Variants in CRPPA observed in about 807,000 individuals in gnomAD.
The protein encoded by CRPPA is CDP-L-ribitol pyrophosphorylase A.
Under a neutral mutation model 52.0 loss-of-function variants are expected in CRPPA, and 43 were observed. The observed-to-expected ratio is 0.83, with a 90% CI of 0.65 to 1.07. The LOEUF (loss-of-function observed/expected upper bound fraction) is 1.07, where lower values mean the gene tolerates loss of function less well. Ranked by LOEUF, CRPPA falls within the 50% of genes least tolerant of loss-of-function variation. The probability of loss-of-function intolerance (pLI) is 0.00; values close to 1 mark genes in which losing one functional copy is unlikely to be tolerated. For synonymous variants in CRPPA, 250 were observed against 203.5 expected, an observed-to-expected ratio of 1.23 and a Z score of -1.94; for missense variants, 629 against 551.7, an observed-to-expected ratio of 1.14 and a Z score of -1.40.
At chr7:16,224,251 G>T (rs972609829) in intron 8 of CRPPA, among the ~76,000 whole-genome samples, 10 of 152,094 alleles carry the variant, frequency 6.6e-5, no homozygotes, top group African/African-American at 2.4e-4. Context: ...CCTGGTCCCA[G>T]ATGAATTCCA....
intron 4 of CRPPA, among the ~76,000 whole-genome samples, chr7:16,304,996 C>A (rs1381905757): frequency 2.6e-5 from 4 of 152,120 alleles, no homozygotes; most frequent in Non-Finnish European, 5.9e-5. Flanking sequence ...TTTTCAGATA[C>A]ATTTTTTTTT....
At chr7:16,153,280 C>T (rs911774621) in intron 9 of CRPPA, among the ~76,000 whole-genome samples, 2 of 151,930 alleles carry the variant, frequency 1.3e-5, no homozygotes, top group East Asian at 3.9e-4. Context: ...CAACATAAAT[C>T]AAGGGTCAAC....
chr7:16,195,538 C>G (rs1781711587), intron 9 of CRPPA, among the ~76,000 whole-genome samples: 1 of 152,040 alleles, frequency 6.6e-6, no homozygotes, highest in Non-Finnish European at 1.5e-5. Context: ...TTTAGAAGTC[C>G]TGGGAATCCT....
intron 9 of CRPPA, among the ~76,000 whole-genome samples, chr7:16,208,227 T>A (rs1328364185): frequency 6.6e-6 from 1 of 152,110 alleles, no homozygotes; most frequent in Non-Finnish European, 1.5e-5. Flanking sequence ...ATGACATGAG[T>A]TGGGATGGTG....
rs1304462242 is a variant in CRPPA at position 16,089,247 on chromosome 7, T to C, written c.*2448A>G. The C allele has an allele frequency of 2.7e-6, 1 of 366,142 alleles. No individual in the cohort carries two copies. The highest frequency in any genetic ancestry group is 2.1e-5 in the African/African-American group (1 of 47,438). The allele number at this position is 366,142 out of a possible 1,614,324, so 22.7% of individuals were successfully genotyped here. On this transcript the variant is annotated 3_prime_UTR_variant, in exon 10 of 10. Transcript: ENST00000407010. ...GTGTGTATGCGTACGTATATACATA[T>C]ATGTGTGTATGCGTACGTATATACA...
chr7:16,180,669 T>C (rs1302092078), intron 9 of CRPPA, among the ~76,000 whole-genome samples: 2 of 152,074 alleles, frequency 1.3e-5, no homozygotes, highest in East Asian at 3.9e-4. Context: ...CACTGTGAAA[T>C]GCCAATTCTC....
intron 3 of CRPPA, among the ~76,000 whole-genome samples, chr7:16,356,729 G>A (rs1786305348): frequency 6.6e-6 from 1 of 152,028 alleles, no homozygotes; most frequent in Admixed American, 6.6e-5. Context: ...ACCTTTTCCT[G>A]TAGATTCATC....
At chr7:16,203,389 A>C (rs1295262972) in intron 9 of CRPPA, among the ~76,000 whole-genome samples, 2 of 152,090 alleles carry the variant, frequency 1.3e-5, no homozygotes, top group Admixed American at 6.6e-5. Context: ...GAACACTCAC[A>C]TGGGCCACAG....
chr7:16,169,375 T>A (rs1231130560), intron 9 of CRPPA, among the ~76,000 whole-genome samples: 1 of 152,212 alleles, frequency 6.6e-6, no homozygotes, highest in Non-Finnish European at 1.5e-5. Flanking sequence ...TACATTTGTT[T>A]ACCTTTACAT....
intron 5 of CRPPA, among the ~76,000 whole-genome samples, chr7:16,300,037 A>T (rs886577187): frequency 6.6e-6 from 1 of 152,180 alleles, no homozygotes; most frequent in Admixed American, 6.5e-5. Flanking sequence ...CATTCAGCCG[A>T]CTTTTCCAGA....
Position 16,278,344 on chromosome 7 carries a change from G to T in CRPPA, c.836-118C>A, listed in dbSNP as rs1020147628. The T allele has an allele frequency of 1.2e-4, 73 of 615,496 alleles. No homozygotes were observed. In the East Asian group the frequency reaches 2.0e-3, roughly 17 times the overall value. The allele number at this position is 615,496 out of a possible 1,614,324, so 38.1% of individuals were successfully genotyped here. A position where few individuals can be genotyped will look rare whatever the true frequency, so the allele number is the denominator to read the frequency against. ...TGTTGACCAAGAATAGGGAGGTTTT[G>T]ATTTCAGGCCAAGTGGAGTAATCTG... is the stretch of plus-strand genomic sequence containing the variant. On this transcript the variant is annotated intron_variant, in intron 5 of 9. Transcript: ENST00000407010.
chr7:16,156,137 C>G (rs1047421254), intron 9 of CRPPA, among the ~76,000 whole-genome samples: 3 of 144,862 alleles, frequency 2.1e-5, no homozygotes, highest in Admixed American at 2.1e-4. Context: ...AAAAAAAATA[C>G]GCTATTTAAT....
chr7:16,092,491 A>G (rs1383955128), intron 9 of CRPPA, among the ~76,000 whole-genome samples: 1 of 152,072 alleles, frequency 6.6e-6, no homozygotes, highest in Non-Finnish European at 1.5e-5. Context: ...CCAATATCCA[A>G]TATATTACTA....
intron 3 of CRPPA, among the ~76,000 whole-genome samples, chr7:16,324,302 G>T (rs943213933): frequency 6.6e-6 from 1 of 152,164 alleles, no homozygotes; most frequent in African/African-American, 2.4e-5. Flanking sequence ...CTGTTTAAAG[G>T]TAATAGGTCA....
chr7:16,318,207 G>T (rs1278343760), intron 3 of CRPPA, among the ~76,000 whole-genome samples: 3 of 152,032 alleles, frequency 2.0e-5, no homozygotes, highest in Non-Finnish European at 4.4e-5. Context: ...GGAGACTATG[G>T]TTAATGGCAT....
intron 3 of CRPPA, among the ~76,000 whole-genome samples, chr7:16,331,061 G>A (rs1156610969): frequency 1.3e-5 from 2 of 152,226 alleles, no homozygotes; most frequent in East Asian, 1.9e-4. Context: ...GTGCAGGGGC[G>A]CCATCTCGGC....
At chr7:16,373,120 C>T (rs947136198) in intron 3 of CRPPA, among the ~76,000 whole-genome samples, 5 of 152,038 alleles carry the variant, frequency 3.3e-5, no homozygotes, top group Non-Finnish European at 7.4e-5. Flanking sequence ...CATGGTGAAA[C>T]CCCATCTTTA....
intron 6 of CRPPA, among the ~76,000 whole-genome samples, chr7:16,267,807 G>C (rs939090256): frequency 6.6e-6 from 1 of 152,014 alleles, no homozygotes; most frequent in Non-Finnish European, 1.5e-5. Flanking sequence ...GGATTCGAGC[G>C]TGGGTCAAAA....
intron 9 of CRPPA, among the ~76,000 whole-genome samples, chr7:16,201,197 GA>G (rs1279463278): frequency 3.9e-5 from 6 of 152,044 alleles, no homozygotes; most frequent in African/African-American, 1.2e-4. Context: ...CATTTACATT[GA>G]AATAAAAACA....
Sources: gnomAD v4.1 joint callset for allele counts (sites outside exome capture counted in the v4.1 genomes callset) on GRCh38, gnomAD v4.1.1 for gene constraint, MANE v1.5 for transcripts, NCBI Gene and HGNC (gene_info 2026-07-23, HGNC 2026-07-21) for gene names.